Variants in CSMD1 observed in about 807,000 individuals in gnomAD.
CSMD1 encodes CUB and Sushi multiple domains 1.
CSMD1 carries 213 observed loss-of-function variants against 417.5 expected under a neutral mutation model. The observed-to-expected ratio is 0.51, with a 90% CI of 0.46 to 0.57. The LOEUF (loss-of-function observed/expected upper bound fraction) is 0.57. Among genes scored for constraint, CSMD1 ranks in the 20% least tolerant of loss-of-function variants. The pLI is 0.00. For synonymous variants in CSMD1, 2,862 were observed against 1,736.8 expected, an observed-to-expected ratio of 1.65 and a Z score of -16.11; for missense variants, 6,923 against 4,529.7, an observed-to-expected ratio of 1.53 and a Z score of -15.17.
At chr8:3,652,065 C>T (rs544949866) in intron 7 of CSMD1, among the ~76,000 whole-genome samples, 1 of 150,856 alleles carries the variant, frequency 6.6e-6, no homozygotes, top group Non-Finnish European at 1.5e-5. Flanking sequence ...ATCGCACTTA[C>T]CCCCATCAGA....
intron 9 of CSMD1, among the ~76,000 whole-genome samples, chr8:3,578,723 G>A (rs1040354982): frequency 6.6e-6 from 1 of 152,112 alleles, no homozygotes; most frequent in Non-Finnish European, 1.5e-5. Flanking sequence ...GACAGCCGAG[G>A]GAAACTGTTC....
At chr8:3,298,305 T>G (rs999670073) in intron 25 of CSMD1, among the ~76,000 whole-genome samples, 1 of 152,228 alleles carries the variant, frequency 6.6e-6, no homozygotes, top group African/African-American at 2.4e-5. Flanking sequence ...CAGCACAGTT[T>G]GCATTAACTC....
chr8:4,587,470 T>C (rs1206463737), intron 2 of CSMD1, among the ~76,000 whole-genome samples: 1 of 151,930 alleles, frequency 6.6e-6, no homozygotes, highest in East Asian at 1.9e-4. Flanking sequence ...TATATGTAGA[T>C]ACATATGTAT....
rs941612798 is a variant in CSMD1 at position 4,264,269 on chromosome 8, T to C, written c.415+155684A>G. 2.0e-5 allele frequency among the ~76,000 whole-genome samples: 3 copies of C among 152,280 alleles called. No individual in the cohort carries two copies. The East Asian group carries it at 5.8e-4, about 29-fold the overall frequency. On this transcript the variant is annotated intron_variant, in intron 3 of 69. Coordinates refer to ENST00000635120, the MANE Select transcript of CSMD1 (RefSeq NM_033225.6). Reference sequence around the variant, plus strand: ...ATAATTTTAAGAATAGACTCAAACATTGCTATAGTAACACATTATTGTACG... The same window carrying C: ...ATAATTTTAAGAATAGACTCAAACACTGCTATAGTAACACATTATTGTACG...
At chr8:3,632,348 C>A (rs1214583208) in intron 7 of CSMD1, among the ~76,000 whole-genome samples, 1 of 149,894 alleles carries the variant, frequency 6.7e-6, no homozygotes, top group African/African-American at 2.5e-5. Flanking sequence ...GCCCTGACAC[C>A]CCCCCATCCC....
intron 10 of CSMD1, among the ~76,000 whole-genome samples, chr8:3,531,027 T>G (rs1314560801): frequency 2.6e-5 from 4 of 151,186 alleles, no homozygotes; most frequent in Non-Finnish European, 5.9e-5. Context: ...TAATTTTTTT[T>G]TTTTTGTATT....
At chr8:4,406,588 A>G (rs1001052731) in intron 3 of CSMD1, among the ~76,000 whole-genome samples, 4 of 152,258 alleles carry the variant, frequency 2.6e-5, no homozygotes, top group African/African-American at 7.2e-5. Context: ...TCTGAGACAG[A>G]TAAGACACCC....
intron 1 of CSMD1, among the ~76,000 whole-genome samples, chr8:4,806,014 T>C (rs1185012717): frequency 1.3e-5 from 2 of 152,204 alleles, no homozygotes; most frequent in Non-Finnish European, 2.9e-5. Context: ...AAGAATTATC[T>C]GAGTCCTCCC....
At chr8:4,465,981 T>C (rs1287364575) in intron 2 of CSMD1, among the ~76,000 whole-genome samples, 1 of 152,132 alleles carries the variant, frequency 6.6e-6, no homozygotes, top group Admixed American at 6.5e-5. Flanking sequence ...CAAGGACAGA[T>C]GGGAAAAGAC....
intron 1 of CSMD1, among the ~76,000 whole-genome samples, chr8:4,768,024 A>G (rs1039180279): frequency 1.3e-5 from 2 of 152,202 alleles, no homozygotes; most frequent in African/African-American, 4.8e-5. Flanking sequence ...CGTTCAACAG[A>G]CACATGCGTT....
intron 3 of CSMD1, among the ~76,000 whole-genome samples, chr8:4,107,719 G>C (rs545651997): frequency 7.2e-5 from 11 of 152,152 alleles, no homozygotes; most frequent in African/African-American, 2.2e-4. Flanking sequence ...CGCTCCATCA[G>C]ATGCTGTGAT....
intron 10 of CSMD1, among the ~76,000 whole-genome samples, chr8:3,497,975 G>C (rs1386080801): frequency 6.6e-6 from 1 of 152,154 alleles, no homozygotes; most frequent in East Asian, 1.9e-4. Context: ...ATTTCTTGTA[G>C]GACCATTCCA....
intron 5 of CSMD1, among the ~76,000 whole-genome samples, chr8:3,866,062 G>T (rs1217184158): frequency 6.6e-6 from 1 of 152,032 alleles, no homozygotes; most frequent in East Asian, 1.9e-4. Context: ...CAAGTAAAAT[G>T]TCTTTAAAAA....
intron 31 of CSMD1, among the ~76,000 whole-genome samples, chr8:3,202,928 T>C (rs896973686): frequency 6.6e-6 from 1 of 152,276 alleles, no homozygotes; most frequent in African/African-American, 2.4e-5. Flanking sequence ...AAAAACTTTT[T>C]TCAGGAATTA....
chr8:2,978,099 T>G (rs1177110963), intron 55 of CSMD1, among the ~76,000 whole-genome samples: 1 of 152,186 alleles, frequency 6.6e-6, no homozygotes, highest in East Asian at 1.9e-4. Flanking sequence ...ATATGAGGTT[T>G]TTATTGTAGT....
At chr8:3,244,322 G>C (rs73185541) in intron 26 of CSMD1, among the ~76,000 whole-genome samples, 11,251 of 152,182 alleles carry the variant, frequency 0.074, 515 homozygotes, top group Non-Finnish European at 0.096. Flanking sequence ...CGGCAATTTA[G>C]GAATCAGGCA....
At chr8:3,801,296 A>T (rs1800444943) in intron 5 of CSMD1, among the ~76,000 whole-genome samples, 1 of 152,188 alleles carries the variant, frequency 6.6e-6, no homozygotes, top group Non-Finnish European at 1.5e-5. Flanking sequence ...AAAATTGGGA[A>T]AAAGATTTAA....
chr8:4,993,392 G>T (rs1811582353), intron 1 of CSMD1, among the ~76,000 whole-genome samples: 1 of 152,128 alleles, frequency 6.6e-6, no homozygotes, highest in African/African-American at 2.4e-5. Context: ...CTCTCTCTCT[G>T]TCTCTCTCCC....
At chr8:4,319,795 C>T (rs1163294356) in intron 3 of CSMD1, among the ~76,000 whole-genome samples, 1 of 152,092 alleles carries the variant, frequency 6.6e-6, no homozygotes, top group Non-Finnish European at 1.5e-5. Context: ...GAGAAGAGAG[C>T]TTCACAAGAG....
Sources: gnomAD v4.1 joint callset for allele counts (sites outside exome capture counted in the v4.1 genomes callset) on GRCh38, gnomAD v4.1.1 for gene constraint, MANE v1.5 for transcripts, NCBI Gene and HGNC (gene_info 2026-07-23, HGNC 2026-07-21) for gene names.